BAZ2B: variants seen among roughly 807,000 people sequenced by gnomAD.
The protein encoded by BAZ2B is bromodomain adjacent to zinc finger domain protein 2B.
BAZ2B carries 91 observed loss-of-function variants against 246.0 expected under a neutral mutation model. The ratio of observed to expected loss-of-function variants is 0.37; its 90% CI spans 0.31 to 0.44. The LOEUF is 0.44. Ranked by LOEUF, BAZ2B falls within the 20% of genes least tolerant of loss-of-function variation. BAZ2B has a pLI of 1.00. For missense variants in BAZ2B, 2,332 were observed against 2,533.7 expected (o/e 0.92, Z 1.71); for synonymous variants, 855 against 860.0 (o/e 0.99, Z 0.10).
chr2:159,456,305 ATAAG>A (rs1279687262), intron 3 of BAZ2B, among the ~76,000 whole-genome samples: 2 of 152,090 alleles, frequency 1.3e-5, no homozygotes, highest in Non-Finnish European at 2.9e-5. Flanking sequence ...GTAATAAATA[ATAAG>A]TAATACATAA....
chr2:159,395,903 AC>A (rs2063952313), intron 19 of BAZ2B, 69 bp from the exon 20 acceptor site: 2 of 1,331,084 alleles, frequency 1.5e-6, no homozygotes, highest in Non-Finnish European at 2.1e-6. Context: ...CAATGAAAAA[AC>A]AAAAACAAAA....
At chr2:159,420,775 T>C (rs2068606953) in intron 13 of BAZ2B, among the ~76,000 whole-genome samples, 1 of 152,236 alleles carries the variant, frequency 6.6e-6, no homozygotes, top group Non-Finnish European at 1.5e-5. Flanking sequence ...CTCAACCTTA[T>C]CTTCTTTTAT....
chr2:159,478,474 C>A, intron 3 of BAZ2B, 101 bp downstream of exon 3: 1 of 1,300,040 alleles, frequency 7.7e-7, no homozygotes, highest in South Asian at 1.9e-5. Context: ...TTCAACAGGT[C>A]AATGCAAGTC....
At chr2:159,404,724 C>T (rs866809537) in intron 16 of BAZ2B, 125 bp downstream of exon 16, 1 of 842,836 alleles carries the variant, frequency 1.2e-6, no homozygotes, top group African/African-American at 1.7e-5. Context: ...TAGCAACTTT[C>T]TAAATAAGAC....
the BAZ2B span, among the ~76,000 whole-genome samples, chr2:159,653,686 A>G: frequency 6.6e-6 from 1 of 152,216 alleles, no homozygotes; most frequent in African/African-American, 2.4e-5. Flanking sequence ...AAAATCATTT[A>G]GCTAATTATT....
At chr2:159,453,220 C>T (rs1425643058) in intron 4 of BAZ2B, among the ~76,000 whole-genome samples, 1 of 152,018 alleles carries the variant, frequency 6.6e-6, no homozygotes, top group African/African-American at 2.4e-5. Context: ...ACTCATAAAA[C>T]CTGAACTTTA....
the BAZ2B span, among the ~76,000 whole-genome samples, chr2:159,663,017 T>G: frequency 6.6e-6 from 1 of 152,172 alleles, no homozygotes; most frequent in Non-Finnish European, 1.5e-5. Flanking sequence ...AATGAGCTTT[T>G]TATTGAATTG....
chr2:159,658,010 G>T, the BAZ2B span, among the ~76,000 whole-genome samples: 1 of 152,168 alleles, frequency 6.6e-6, no homozygotes, highest in Non-Finnish European at 1.5e-5. Flanking sequence ...CCCTGTTTCT[G>T]ATCTTAGTGG....
At chr2:159,618,998 T>A (rs560262318), upstream of BAZ2B, among the ~76,000 whole-genome samples, 1 of 152,106 alleles carries the variant, frequency 6.6e-6, no homozygotes, top group African/African-American at 2.4e-5. Context: ...CATAATGATA[T>A]GTAATTTACA....
At chr2:159,487,237 A>T (rs1273927732) in intron 2 of BAZ2B, among the ~76,000 whole-genome samples, 1 of 152,146 alleles carries the variant, frequency 6.6e-6, no homozygotes, top group African/African-American at 2.4e-5. Flanking sequence ...GAAGCAGGGA[A>T]CCTACTCCCA....
chr2:159,555,059 G>A (rs1352108609), intron 2 of BAZ2B, among the ~76,000 whole-genome samples: 3 of 147,132 alleles, frequency 2.0e-5, no homozygotes, highest in Admixed American at 6.9e-5. Context: ...GGTATGTGGT[G>A]TATGTGGGGG....
chr2:159,653,902 C>T, the BAZ2B span, among the ~76,000 whole-genome samples: 6 of 152,074 alleles, frequency 3.9e-5, no homozygotes, highest in Non-Finnish European at 7.4e-5. Flanking sequence ...ATATCTTCAT[C>T]AAATAGGAAA....
the BAZ2B span, among the ~76,000 whole-genome samples, chr2:159,662,363 A>G: frequency 6.6e-6 from 1 of 152,164 alleles, no homozygotes; most frequent in Non-Finnish European, 1.5e-5. Context: ...TAAATGTAGA[A>G]TTGTTTGGTT....
the BAZ2B span, among the ~76,000 whole-genome samples, chr2:159,623,377 A>C: frequency 6.6e-6 from 1 of 152,230 alleles, no homozygotes; most frequent in Non-Finnish European, 1.5e-5. Flanking sequence ...CAGAAAAAAA[A>C]CAAAAAACAA....
At chr2:159,569,308 A>G (rs1476156751) in intron 1 of BAZ2B, among the ~76,000 whole-genome samples, 9 of 152,196 alleles carry the variant, frequency 5.9e-5, no homozygotes, top group Admixed American at 2.0e-4. Flanking sequence ...GCTATTCAAG[A>G]TGAAACAATG....
chr2:159,479,278 G>T (rs976066150), intron 2 of BAZ2B, among the ~76,000 whole-genome samples: 2 of 151,980 alleles, frequency 1.3e-5, no homozygotes, highest in African/African-American at 4.8e-5. Flanking sequence ...TTTCAAAATG[G>T]CCTTAGTTGT....
At chr2:159,554,466 A>C (rs1050818758) in intron 2 of BAZ2B, among the ~76,000 whole-genome samples, 1 of 152,094 alleles carries the variant, frequency 6.6e-6, no homozygotes, top group Non-Finnish European at 1.5e-5. Flanking sequence ...GAAAGCTAAA[A>C]TGCTGCCTCA....
the BAZ2B span, among the ~76,000 whole-genome samples, chr2:159,703,932 C>T: frequency 1.3e-5 from 2 of 152,126 alleles, no homozygotes; most frequent in African/African-American, 4.8e-5. Flanking sequence ...CAAACTACAA[C>T]AATCAACCAC....
Position 159,385,224 on chromosome 2 carries a change from G to A in BAZ2B, c.3617C>T (p.Thr1206Ile), listed in dbSNP as rs1411735954. 1.2e-6 allele frequency: 2 copies of A among 1,613,616 alleles called. No homozygotes were observed. Residue 1206 changes from threonine to isoleucine, a missense_variant, in exon 23 of 37, where the codon ACT (threonine) becomes ATT (isoleucine). Thr to Ile is a moderately conservative substitution (Grantham distance 89). Transcript: ENST00000392783. ...CAGGACTGAAGCTTTCTGTGCTGGA[G>A]TGTGAGCCTGAAAAGCTTTGGTCTT... ...SLKTKAFQAH[T>I]PAQKASVLAF...
Sources: gnomAD v4.1 joint callset for allele counts (sites outside exome capture counted in the v4.1 genomes callset) on GRCh38, gnomAD v4.1.1 for gene constraint, MANE v1.5 for transcripts, NCBI Gene and HGNC (gene_info 2026-07-23, HGNC 2026-07-21) for gene names.